FNTA: variants seen among roughly 807,000 people sequenced by gnomAD.
The protein encoded by FNTA is protein farnesyltransferase/geranylgeranyltransferase type-1 subunit alpha.
A neutral mutation model predicts 55.2 loss-of-function variants in FNTA; 27 were observed. That is an observed-to-expected ratio of 0.49 (90% confidence interval 0.36 to 0.67). FNTA has a LOEUF of 0.67. Ranked by LOEUF, FNTA falls within the 30% of genes least tolerant of loss-of-function variation. The probability of loss-of-function intolerance (pLI) is 0.00; values close to 1 mark genes in which losing one functional copy is unlikely to be tolerated. For missense variants in FNTA, 422 were observed against 464.7 expected (o/e 0.91, Z 0.85); for synonymous variants, 176 against 170.7 (o/e 1.03, Z -0.24).
chr8:43,064,022 A>G, intron 2 of FNTA, 79 bp from the exon 3 acceptor site: 1 of 851,342 alleles, frequency 1.2e-6, no homozygotes, highest in East Asian at 2.5e-5. Flanking sequence ...AAATATCTTT[A>G]TAGGTATAGT....
At chr8:43,074,386 G>A (rs979233644) in intron 5 of FNTA, among the ~76,000 whole-genome samples, 3 of 152,126 alleles carry the variant, frequency 2.0e-5, no homozygotes, top group African/African-American at 4.8e-5. Flanking sequence ...TGAGACGAGC[G>A]TAGTGGCGCA....
intron 2 of FNTA, among the ~76,000 whole-genome samples, chr8:43,059,594 A>G (rs147817793): frequency 1.3e-5 from 2 of 152,366 alleles, no homozygotes; most frequent in East Asian, 3.9e-4. Flanking sequence ...GTTGGAATAC[A>G]TTTATTGATA....
chr8:43,084,860 C>T lies in FNTA; in HGVS notation c.996C>T (p.Asp332=), dbSNP rs1811095591. The T allele has an allele frequency of 6.2e-7, 1 of 1,613,498 alleles. No individual in the cohort carries two copies. The highest frequency in any genetic ancestry group is 8.5e-7 in the Non-Finnish European group (1 of 1,179,894). Residue 332 remains aspartate (D), a synonymous_variant, in exon 8 of 9, where the codon GAC becomes GAT. Transcript: ENST00000302279. ...AAAATCAGTGTGACAATAAGGAAGA[C>T]ATTCTTAATAAAGCATTAGAGGTAA... The part of the protein sequence containing the change: ...MLENQCDNKE[D]ILNKALELCE...
intron 3 of FNTA, among the ~76,000 whole-genome samples, chr8:43,064,900 G>A (rs1382317385): frequency 6.8e-6 from 1 of 147,192 alleles, no homozygotes; most frequent in Non-Finnish European, 1.5e-5. Flanking sequence ...GCAGTGGCAC[G>A]ATCTTGGCTC....
intron 5 of FNTA, 22 bp from the exon 6 acceptor site, chr8:43,077,193 AT>A: frequency 6.6e-7 from 1 of 1,520,342 alleles, no homozygotes. Context: ...TAATTGGATG[AT>A]TTTTCTAAAT....
intron 5 of FNTA, among the ~76,000 whole-genome samples, chr8:43,072,952 G>T (rs1296079336): frequency 6.6e-6 from 1 of 151,930 alleles, no homozygotes; most frequent in Non-Finnish European, 1.5e-5. Flanking sequence ...ATAAACTTTG[G>T]AATAGGATTT....
intron 5 of FNTA, among the ~76,000 whole-genome samples, chr8:43,076,176 C>T (rs950655501): frequency 3.3e-5 from 5 of 151,884 alleles, no homozygotes; most frequent in African/African-American, 7.3e-5. Flanking sequence ...CCCAAGTAAC[C>T]GGGATTACAG....
chr8:43,063,316 A>G (rs978953858), intron 2 of FNTA: 1 of 455,960 alleles, frequency 2.2e-6, no homozygotes, highest in Non-Finnish European at 4.4e-6. Context: ...GCTGGGTTCA[A>G]GTGATCTGCC....
rs1324052994 is a variant in FNTA at position 43,061,068 on chromosome 8, A to T, written c.286+1891A>T. On this transcript the variant is annotated intron_variant, in intron 2 of 8. Transcript: ENST00000302279. ...TTCCACCCATGATTTAAGTGGCAGAAATGAAAACTGTCTTGATATTATATT... is the reference window on the plus strand; with the variant it reads ...TTCCACCCATGATTTAAGTGGCAGATATGAAAACTGTCTTGATATTATATT... Among the ~76,000 whole-genome samples the T allele has an allele frequency of 2.0e-5, 3 of 152,248 alleles. No homozygotes were observed. The East Asian group carries it at 5.8e-4, about 29-fold the overall frequency.
chr8:43,063,190 C>G (rs1253698034), intron 2 of FNTA: 1 of 450,162 alleles, frequency 2.2e-6, no homozygotes, highest in African/African-American at 2.0e-5. Flanking sequence ...AAGCGATCCT[C>G]CTACCTCTGC....
chr8:43,058,744 T>C (rs1810468084), intron 1 of FNTA, among the ~76,000 whole-genome samples: 1 of 152,032 alleles, frequency 6.6e-6, no homozygotes, highest in Admixed American at 6.6e-5. Flanking sequence ...ACCACTGCAC[T>C]CCAGCCTGGG....
chr8:43,083,197 G>T lies in FNTA; in HGVS notation c.845+17G>T. ...TTTGAAAGGGTAAGAGGTTGTTTTTGCTTTTTTTATATATAAAAAAGAAGT... is the reference window on the plus strand; with the variant it reads ...TTTGAAAGGGTAAGAGGTTGTTTTTTCTTTTTTTATATATAAAAAAGAAGT... On this transcript the variant is annotated intron_variant, in intron 7 of 8. Transcript: ENST00000302279. The T allele has an allele frequency of 6.6e-7, 1 of 1,524,300 alleles. No individual in the cohort carries two copies. The highest frequency in any genetic ancestry group is 1.2e-5 in the South Asian group (1 of 82,368). 94.4% of individuals were successfully genotyped at this position (1,524,300 alleles called of 1,614,324 possible).
At chr8:43,059,279 A>G in intron 2 of FNTA, 102 bp downstream of exon 2, 1 of 756,358 alleles carries the variant, frequency 1.3e-6, no homozygotes, top group East Asian at 2.8e-5. Context: ...TCTGTCTAAT[A>G]AAAATCTGAA....
Position 43,069,610 on chromosome 8 carries a change from AACT to A in FNTA, c.460_462del (p.Tyr154del). 1.9e-6 allele frequency: 3 copies of A among 1,613,770 alleles called. No homozygotes were observed. The highest frequency in any genetic ancestry group is 2.5e-6 in the Non-Finnish European group (3 of 1,179,710). ...TCAGAAGGATCTACATGAGGAAATG[AACT>A]ACATCACTGCAATAATTGAGGAGCA... On this transcript the variant is annotated inframe_deletion, in exon 4 of 9. Coordinates refer to ENST00000302279, the MANE Select transcript of FNTA (RefSeq NM_002027.3).
Position 43,083,198 on chromosome 8 carries a change from C to A in FNTA, c.845+18C>A. The A allele has an allele frequency of 2.0e-6, 3 of 1,508,662 alleles. No homozygotes were observed. The highest frequency in any genetic ancestry group is 1.2e-5 in the South Asian group (1 of 81,912). The allele number at this position is 1,508,662 out of a possible 1,614,324, so 93.5% of individuals were successfully genotyped here. On this transcript the variant is annotated intron_variant, in intron 7 of 8. Coordinates refer to ENST00000302279, the MANE Select transcript of FNTA (RefSeq NM_002027.3). The stretch of plus-strand genomic sequence containing the variant: ...TTGAAAGGGTAAGAGGTTGTTTTTG[C>A]TTTTTTTATATATAAAAAAGAAGTG...
In FNTA at chr8:43,072,194, G is replaced by A. The variant is rs375552449; in HGVS notation, c.520G>A (p.Val174Ile). The change falls in exon 5 of 9, where the codon GTA (valine) becomes ATA (isoleucine). Residue 174 changes from valine (V) to isoleucine (I), a missense_variant. Coordinates refer to ENST00000302279, the MANE Select transcript of FNTA (RefSeq NM_002027.3). ...TTTGGGCTTTAGGCATCATAGGCGA[G>A]TATTAGTGGAATGGCTAAGAGATCC... ...KNYQVWHHRR[V>I]LVEWLRDPSQ... 1.9e-5 allele frequency: 29 copies of A among 1,558,092 alleles called. No individual in the cohort carries two copies. The highest frequency in any genetic ancestry group is 2.8e-5 in the African/African-American group (2 of 72,318).
At chr8:43,058,201 C>T (rs1413093498) in intron 1 of FNTA, among the ~76,000 whole-genome samples, 6 of 151,972 alleles carry the variant, frequency 3.9e-5, no homozygotes, top group Admixed American at 3.9e-4. Context: ...TAATACTGCC[C>T]TGATTTTATA....
chr8:43,064,102 T>C lies in FNTA; in HGVS notation c.288T>C (p.Phe96=), dbSNP rs1210799718. 6.2e-7 allele frequency: 1 copy of C among 1,600,136 alleles called. No individual in the cohort carries two copies. Among genetic ancestry groups the C allele is most frequent in the East Asian group, 2.2e-5 (1 of 44,820 alleles). The change falls in exon 3 of 9, where the codon TTT becomes TTC. Residue 96 remains phenylalanine, a splice_region_variant and synonymous_variant. Transcript: ENST00000302279. ...TGTAGTTGTGTGCTCTATCTCTAGT[T>C]AGAGATGTTTATGATTACTTCCGAG... ...PVVQIIYSDK[F]RDVYDYFRAV...
chr8:43,069,863 C>G (rs1282760602), intron 4 of FNTA, among the ~76,000 whole-genome samples: 1 of 151,192 alleles, frequency 6.6e-6, no homozygotes, highest in Non-Finnish European at 1.5e-5. Context: ...AGGCTGGTCT[C>G]GAACTTCTGA....
Sources: gnomAD v4.1 joint callset for allele counts (sites outside exome capture counted in the v4.1 genomes callset) on GRCh38, gnomAD v4.1.1 for gene constraint, MANE v1.5 for transcripts, NCBI Gene and HGNC (gene_info 2026-07-23, HGNC 2026-07-21) for gene names.